The following TRIM5 variants were observed in gnomAD, a reference collection of about 807,000 sequenced individuals.
TRIM5 encodes the protein tripartite motif-containing protein 5.
A neutral mutation model predicts 35.6 loss-of-function variants in TRIM5; 31 were observed. The ratio of observed to expected loss-of-function variants is 0.87; its 90% confidence interval spans 0.65 to 1.18. The LOEUF is 1.18. TRIM5 is among the 50% of genes most tolerant of loss of function. The pLI is 0.00. For synonymous variants in TRIM5, 243 were observed against 215.6 expected, an observed-to-expected ratio of 1.13 and a Z score of -1.11; for missense variants, 609 against 591.6, an observed-to-expected ratio of 1.03 and a Z score of -0.31.
intron 1 of TRIM5, among the ~76,000 whole-genome samples, chr11:5,683,187 C>T (rs958694013): frequency 4.6e-5 from 7 of 152,216 alleles, no homozygotes; most frequent in African/African-American, 7.2e-5. Flanking sequence ...AGCCTCCCCA[C>T]GACCCCTTGG....
At chr11:5,599,614 AG>A in the TRIM5 span, among the ~76,000 whole-genome samples, 1 of 152,124 alleles carries the variant, frequency 6.6e-6, no homozygotes, top group Non-Finnish European at 1.5e-5. Context: ...CGTGTTAGCC[AG>A]GATGGTCTCG....
At position 5,680,086 on chromosome 11, in the gene TRIM5, C is replaced by T. The variant is rs757025108; in HGVS notation, c.92G>A (p.Gly31Asp). 73 of 1,613,994 alleles carry T rather than the reference C, an allele frequency of 4.5e-5. No homozygotes were observed. Among genetic ancestry groups the T allele is most frequent in the Non-Finnish European group, 5.7e-5 (67 of 1,180,040 alleles). The change falls in exon 2 of 8, where the codon GGC becomes GAC. Residue 31 changes from glycine (G) to aspartate (D), a missense_variant. Physicochemically the swap from Gly to Asp is moderately conservative, Grantham distance 94. Coordinates refer to ENST00000380034, the MANE Select transcript of TRIM5 (RefSeq NM_033034.3). Reference sequence around the variant, plus strand: ...GAGGCATGCTTGGCAGAAGCTGTGGCCGCAGTCCAGGCTCAGGGGTTGTGT... The same window carrying T: ...GAGGCATGCTTGGCAGAAGCTGTGGTCGCAGTCCAGGCTCAGGGGTTGTGT... Reference protein sequence around the residue: ...LLTQPLSLDCGHSFCQACLTA... With the variant: ...LLTQPLSLDCDHSFCQACLTA...
chr11:5,610,433 C>T, the TRIM5 span: 1 of 1,603,640 alleles, frequency 6.2e-7, no homozygotes, highest in South Asian at 1.1e-5. Context: ...GTGACATCCT[C>T]ACAGGATTCC....
intron 4 of TRIM5, among the ~76,000 whole-genome samples, chr11:5,670,344 A>AT (rs71053291): frequency 0.5 from 74,092 of 149,114 alleles, 22,030 homozygotes; most frequent in Non-Finnish European, 0.67. Context: ...CACCCAGCTA[A>AT]TTTTTTTTTC....
At chr11:5,622,586 C>A in the TRIM5 span, among the ~76,000 whole-genome samples, 5 of 152,100 alleles carry the variant, frequency 3.3e-5, no homozygotes, top group African/African-American at 7.2e-5. Context: ...CCATTGCACT[C>A]CAGTCTGGGC....
At chr11:5,624,619 T>C in the TRIM5 span, among the ~76,000 whole-genome samples, 4 of 152,198 alleles carry the variant, frequency 2.6e-5, no homozygotes, top group South Asian at 8.3e-4. Context: ...CACAGCACTA[T>C]TGATGTTTTG....
Position 5,664,877 on chromosome 11 carries a change from G to T in TRIM5, c.1414C>A (p.Pro472Thr), listed in dbSNP as rs757503307. Reference sequence around the variant, plus strand: ...CTAGGATTTAAATATGGAAATACAGGCTGAGAAAAAGAACAGTGAGAAAAC... The same window carrying T: ...CTAGGATTTAAATATGGAAATACAGTCTGAGAAAAAGAACAGTGAGAAAAC... ...YKFSHCSFSQPVFPYLNPRKC... is the reference protein window; with the variant it reads ...YKFSHCSFSQTVFPYLNPRKC... Residue 472 changes from proline to threonine, a missense_variant, in exon 8 of 8, where the codon CCT (proline) becomes ACT (threonine). Coordinates refer to ENST00000380034, the MANE Select transcript of TRIM5 (RefSeq NM_033034.3). The T allele has an allele frequency of 6.2e-7, 1 of 1,613,772 alleles. No individual in the cohort carries two copies. Among genetic ancestry groups the T allele is most frequent in the Non-Finnish European group, 8.5e-7 (1 of 1,179,934 alleles).
chr11:5,596,518 C>T, the TRIM5 span: 2 of 62,136 alleles, frequency 3.2e-5, no homozygotes. Flanking sequence ...CCCGTTCTCC[C>T]CTTCCCCCCT....
chr11:5,633,977 T>A, the TRIM5 span: 1 of 1,468,470 alleles, frequency 6.8e-7, no homozygotes, highest in Non-Finnish European at 9.3e-7. Flanking sequence ...GTCCTTTTTA[T>A]TCCTTGACAT....
the TRIM5 span, among the ~76,000 whole-genome samples, chr11:5,628,247 C>G: frequency 1.3e-5 from 2 of 152,362 alleles, no homozygotes; most frequent in Middle Eastern, 3.4e-3. Context: ...ACTTCCTCTC[C>G]TGGAGCCCCC....
the TRIM5 span, among the ~76,000 whole-genome samples, chr11:5,654,904 T>C: frequency 6.6e-6 from 1 of 151,956 alleles, no homozygotes; most frequent in South Asian, 2.1e-4. Context: ...AAATGGCATT[T>C]TTCTGGCCGG....
At chr11:5,623,157 A>G in the TRIM5 span, among the ~76,000 whole-genome samples, 6 of 144,702 alleles carry the variant, frequency 4.1e-5, no homozygotes, top group African/African-American at 1.6e-4. Flanking sequence ...TTGGAATAGA[A>G]TGGGAGCCAG....
At chr11:5,647,017 A>ACCAGAAC in the TRIM5 span, among the ~76,000 whole-genome samples, 1 of 152,238 alleles carries the variant, frequency 6.6e-6, no homozygotes, top group Non-Finnish European at 1.5e-5. Context: ...GATGTGGGTT[A>ACCAGAAC]CCAGAAAGAT....
At chr11:5,659,705 T>C (rs1176941585), downstream of TRIM5, among the ~76,000 whole-genome samples, 3 of 151,684 alleles carry the variant, frequency 2.0e-5, no homozygotes, top group Non-Finnish European at 2.9e-5. Flanking sequence ...CCCCAGGTTT[T>C]ATTGTTTTGT....
chr11:5,606,353 G>A, the TRIM5 span, among the ~76,000 whole-genome samples: 2 of 152,296 alleles, frequency 1.3e-5, no homozygotes, highest in African/African-American at 4.8e-5. Flanking sequence ...AACTGAGGTT[G>A]AAATTCTAGC....
chr11:5,635,531 C>T, the TRIM5 span, among the ~76,000 whole-genome samples: 1 of 152,164 alleles, frequency 6.6e-6, no homozygotes, highest in East Asian at 1.9e-4. Flanking sequence ...GCTGGGATTA[C>T]AGGCCTGACC....
At chr11:5,612,881 ACTTTTC>A in the TRIM5 span, 1 of 152,172 alleles carries the variant, frequency 6.6e-6, no homozygotes, top group Non-Finnish European at 1.5e-5. Context: ...CTCACTAATA[ACTTTTC>A]CTTTGTGTAT....
the TRIM5 span, chr11:5,596,550 T>TCCCCTCCCCCCTC: frequency 2.2e-5 from 1 of 46,318 alleles, no homozygotes; most frequent in Non-Finnish European, 3.8e-5. Flanking sequence ...CCTTCCCCCT[T>TCCCCTCCCCCCTC]CCCCCTTCCC....
At chr11:5,620,811 CA>C in the TRIM5 span, among the ~76,000 whole-genome samples, 34 of 152,144 alleles carry the variant, frequency 2.2e-4, no homozygotes, top group African/African-American at 8.2e-4. Context: ...AGGAATGAAG[CA>C]AAGCCTGTTC....
Sources: allele counts gnomAD v4.1 joint callset (sites outside exome capture counted in the v4.1 genomes callset), GRCh38; gene constraint gnomAD v4.1.1; transcripts MANE v1.5; gene names NCBI Gene and HGNC (gene_info 2026-07-23, HGNC 2026-07-21).